ARHGAP18: variants seen among roughly 807,000 people sequenced by gnomAD.
The protein encoded by ARHGAP18 is Rho GTPase activating protein 18, also known as rho GTPase-activating protein 18.
In ARHGAP18, 67 loss-of-function variants were observed where a neutral mutation model predicts 86.2. The observed-to-expected ratio is 0.78, with a 90% CI of 0.64 to 0.95. The LOEUF is 0.95. ARHGAP18 is among the 40% of genes least tolerant of loss of function. The pLI is 0.00. For synonymous variants in ARHGAP18, 283 were observed against 280.4 expected (o/e 1.01, Z -0.09); for missense variants, 691 against 780.4 (o/e 0.89, Z 1.37).
At chr6:129,699,426 G>A (rs1032613844) in intron 1 of ARHGAP18, among the ~76,000 whole-genome samples, 1 of 152,168 alleles carries the variant, frequency 6.6e-6, no homozygotes, top group African/African-American at 2.4e-5. Flanking sequence ...GATCACAAAA[G>A]TCTGGAGAGG....
chr6:129,607,007 G>A (rs1029329735), intron 9 of ARHGAP18, among the ~76,000 whole-genome samples: 18 of 151,836 alleles, frequency 1.2e-4, no homozygotes, highest in Middle Eastern at 3.4e-3. Context: ...TCACAGGTGC[G>A]CACCACTATG....
rs532852447 is a variant in ARHGAP18, at chr6:129,656,813, A to G, written c.114-14795T>C. On this transcript the variant is annotated intron_variant, in intron 1 of 14. Transcript: ENST00000368149. ...TTTTATTTCCCTCTAACTTAAGCCC[A>G]TTTCCTCTGAGCAAATAAAGAAGTA... Among the ~76,000 whole-genome samples the G allele has an allele frequency of 7.9e-5, 12 of 152,254 alleles. No individual in the cohort carries two copies. The South Asian group carries it at 1.5e-3, about 18-fold the overall frequency.
intron 3 of ARHGAP18, among the ~76,000 whole-genome samples, chr6:129,637,952 C>T (rs9402155): frequency 0.19 from 28,842 of 152,180 alleles, 3,077 homozygotes; most frequent in Non-Finnish European, 0.24. Flanking sequence ...AATTCAGCTG[C>T]AATTAGCTCC....
chr6:129,579,973 A>T, intron 14 of ARHGAP18, 97 bp downstream of exon 14: 1 of 1,020,436 alleles, frequency 9.8e-7, no homozygotes, highest in Non-Finnish European at 1.5e-6. Flanking sequence ...GGTATATTTT[A>T]CTTCTAATTT....
chr6:129,608,901 T>C (rs2114458350), intron 8 of ARHGAP18, among the ~76,000 whole-genome samples: 1 of 152,112 alleles, frequency 6.6e-6, no homozygotes, highest in South Asian at 2.1e-4. Flanking sequence ...AACCATTCTC[T>C]ACCCCCAATT....
At chr6:129,626,049 CAT>C (rs1288951926) in intron 5 of ARHGAP18, among the ~76,000 whole-genome samples, 10 of 92,334 alleles carry the variant, frequency 1.1e-4, no homozygotes, top group East Asian at 2.7e-4. Flanking sequence ...TACACACACA[CAT>C]ATATATACAC....
chr6:129,632,948 T>G (rs1025664773), intron 4 of ARHGAP18, among the ~76,000 whole-genome samples: 2 of 152,170 alleles, frequency 1.3e-5, no homozygotes, highest in African/African-American at 4.8e-5. Flanking sequence ...ATTAATGGCA[T>G]GAACACTCCA....
At chr6:129,688,804 AT>A (rs1284970345) in intron 1 of ARHGAP18, among the ~76,000 whole-genome samples, 2 of 151,080 alleles carry the variant, frequency 1.3e-5, no homozygotes, top group Non-Finnish European at 3.0e-5. Context: ...AAAAAAAAAA[AT>A]ATGCCTTATC....
At chr6:129,625,950 ATATATTATATATT>A (rs1789452047) in intron 5 of ARHGAP18, among the ~76,000 whole-genome samples, 1 of 61,110 alleles carries the variant, frequency 1.6e-5, no homozygotes, top group African/African-American at 4.8e-5. Flanking sequence ...TTATATATTT[ATATATTATATATT>A]TATATATTAT....
chr6:129,665,315 C>T (rs1484814565), intron 1 of ARHGAP18, among the ~76,000 whole-genome samples: 2 of 152,092 alleles, frequency 1.3e-5, no homozygotes, highest in South Asian at 2.1e-4. Context: ...GAGCCTGAGG[C>T]GGGTAGATCG....
chr6:129,644,325 T>C (rs1029514499), intron 1 of ARHGAP18, among the ~76,000 whole-genome samples: 2 of 152,186 alleles, frequency 1.3e-5, no homozygotes, highest in Non-Finnish European at 2.9e-5. Flanking sequence ...TGTAGAGTTT[T>C]CACTCCTGAT....
At chr6:129,662,467 C>A (rs970188686) in intron 1 of ARHGAP18, among the ~76,000 whole-genome samples, 7 of 152,226 alleles carry the variant, frequency 4.6e-5, no homozygotes, top group African/African-American at 1.7e-4. Context: ...TGTTTTTGTT[C>A]TTCTAGTGCA....
At chr6:129,661,512 G>GAA (rs57799426) in intron 1 of ARHGAP18, among the ~76,000 whole-genome samples, 7,068 of 136,366 alleles carry the variant, frequency 0.052, 589 homozygotes, top group African/African-American at 0.17. Flanking sequence ...CTCTTTAAAT[G>GAA]AAAAAAAAAA....
intron 1 of ARHGAP18, among the ~76,000 whole-genome samples, chr6:129,644,297 C>T (rs1010509240): frequency 6.6e-6 from 1 of 152,178 alleles, no homozygotes; most frequent in African/African-American, 2.4e-5. Flanking sequence ...ATGGCCACTA[C>T]ATAGCCAGTA....
intron 1 of ARHGAP18, among the ~76,000 whole-genome samples, chr6:129,699,332 A>G (rs970347300): frequency 6.6e-6 from 1 of 152,178 alleles, no homozygotes; most frequent in Non-Finnish European, 1.5e-5. Flanking sequence ...GGAGTATACA[A>G]AGCTCCCAGG....
chr6:129,651,465 C>G (rs763152797), intron 1 of ARHGAP18, among the ~76,000 whole-genome samples: 1 of 152,148 alleles, frequency 6.6e-6, no homozygotes, highest in Non-Finnish European at 1.5e-5. Flanking sequence ...GCCTTACTCT[C>G]TGGTTGGGTG....
chr6:129,605,655 G>GT (rs1216987427), intron 10 of ARHGAP18, among the ~76,000 whole-genome samples: 1 of 151,960 alleles, frequency 6.6e-6, no homozygotes, highest in Non-Finnish European at 1.5e-5. Context: ...AAGAAGAAAT[G>GT]TTACAGTGAA....
chr6:129,653,398 A>G (rs1170636446), intron 1 of ARHGAP18, among the ~76,000 whole-genome samples: 1 of 152,258 alleles, frequency 6.6e-6, no homozygotes, highest in Non-Finnish European at 1.5e-5. Context: ...TTTTATGAGT[A>G]GCTCAAAATC....
rs576326726 is a variant in ARHGAP18, at chr6:129,655,349, A to C, written c.114-13331T>G. 3.3e-5 allele frequency among the ~76,000 whole-genome samples: 5 copies of C among 149,846 alleles called. No individual in the cohort carries two copies. The South Asian group carries it at 1.0e-3, about 31-fold the overall frequency. On this transcript the variant is annotated intron_variant, in intron 1 of 14. Coordinates refer to ENST00000368149, the MANE Select transcript of ARHGAP18 (RefSeq NM_033515.3). ...AAAAAAAAAAAAAAAAAAGAAAAGA[A>C]AAGAAAAGAAAAGAAAACAGAGCCT... is the stretch of plus-strand genomic sequence containing the variant.
Sources: gnomAD v4.1 joint callset for allele counts (sites outside exome capture counted in the v4.1 genomes callset) on GRCh38, gnomAD v4.1.1 for gene constraint, MANE v1.5 for transcripts, NCBI Gene and HGNC (gene_info 2026-07-23, HGNC 2026-07-21) for gene names.